Variants in CDKAL1 observed in about 807,000 individuals in gnomAD.
The protein encoded by CDKAL1 is CDKAL1 threonylcarbamoyladenosine tRNA methylthiotransferase, also known as threonylcarbamoyladenosine tRNA methylthiotransferase.
CDKAL1 carries 32 observed loss-of-function variants against 68.2 expected under a neutral mutation model. That is an observed-to-expected ratio of 0.47 (90% CI 0.35 to 0.63). The LOEUF is 0.63. Among genes scored for constraint, CDKAL1 ranks in the 30% least tolerant of loss-of-function variants. The probability of loss-of-function intolerance (pLI) is 0.00; values close to 1 mark genes in which losing one functional copy is unlikely to be tolerated. For missense variants in CDKAL1, 606 were observed against 696.7 expected, an observed-to-expected ratio of 0.87 and a Z score of 1.47; for synonymous variants, 234 against 244.3, an observed-to-expected ratio of 0.96 and a Z score of 0.39.
intron 4 of CDKAL1, among the ~76,000 whole-genome samples, chr6:20,589,372 C>T (rs1765500834): frequency 2.6e-5 from 4 of 152,298 alleles, no homozygotes; most frequent in East Asian, 1.9e-4. Context: ...ATGTTCTGCA[C>T]GTTCTGAGAA....
intron 8 of CDKAL1, among the ~76,000 whole-genome samples, chr6:20,837,335 A>G (rs935674917): frequency 6.6e-6 from 1 of 152,114 alleles, no homozygotes; most frequent in African/African-American, 2.4e-5. Flanking sequence ...TCATGTTAGA[A>G]CAATACCTTT....
At chr6:20,608,590 G>C (rs1056383124) in intron 4 of CDKAL1, among the ~76,000 whole-genome samples, 4 of 152,198 alleles carry the variant, frequency 2.6e-5, no homozygotes, top group Non-Finnish European at 2.9e-5. Flanking sequence ...GCTGATACCA[G>C]TAGAGAGGAA....
At chr6:20,687,892 A>G (rs999267501) in intron 5 of CDKAL1, among the ~76,000 whole-genome samples, 1 of 150,156 alleles carries the variant, frequency 6.7e-6, no homozygotes, top group Non-Finnish European at 1.5e-5. Context: ...TTTTTTTTTA[A>G]TTTCTTGCAA....
chr6:20,840,509 G>A (rs4345385), intron 8 of CDKAL1, among the ~76,000 whole-genome samples: 2 of 152,276 alleles, frequency 1.3e-5, no homozygotes, highest in East Asian at 1.9e-4. Context: ...AACTAACTCC[G>A]AAAGTTCACA....
At chr6:21,152,886 C>T (rs1026011547) in intron 13 of CDKAL1, among the ~76,000 whole-genome samples, 2 of 152,172 alleles carry the variant, frequency 1.3e-5, no homozygotes, top group Non-Finnish European at 2.9e-5. Flanking sequence ...TCAGTTTAGG[C>T]GGCCTTGCGC....
At chr6:21,027,094 C>A (rs527245794) in intron 11 of CDKAL1, among the ~76,000 whole-genome samples, 23 of 152,124 alleles carry the variant, frequency 1.5e-4, no homozygotes, top group Non-Finnish European at 5.9e-5. Flanking sequence ...CCAGCCATAA[C>A]CCTACCACCA....
At chr6:20,742,909 C>T (rs954434351) in intron 6 of CDKAL1, among the ~76,000 whole-genome samples, 1 of 151,576 alleles carries the variant, frequency 6.6e-6, no homozygotes, top group Admixed American at 6.6e-5. Flanking sequence ...AAATTATGTC[C>T]ACATAACTAA....
rs112294991 is a variant in CDKAL1, at chr6:20,946,443, T to A, written c.743-8976T>A. On this transcript the variant is annotated intron_variant, in intron 9 of 15. Transcript: ENST00000274695. The stretch of plus-strand genomic sequence containing the variant: ...ATCAAAAATAAGTGTCTTTTCCCAA[T>A]CACTTCATCATTCTGGACTCAAAAC... Among the ~76,000 whole-genome samples, 557 of 152,274 alleles carry A rather than the reference T, an allele frequency of 3.7e-3. 4 individuals carry two copies. The highest frequency in any genetic ancestry group is 0.013 in the African/African-American group (531 of 41,572).
intron 4 of CDKAL1, among the ~76,000 whole-genome samples, chr6:20,632,729 T>C (rs139273231): frequency 2.4e-4 from 37 of 152,358 alleles, no homozygotes; most frequent in Non-Finnish European, 4.4e-4. Flanking sequence ...CCAATAATAA[T>C]AGCATAGTCT....
intron 9 of CDKAL1, among the ~76,000 whole-genome samples, chr6:20,848,588 G>T (rs1373541176): frequency 6.6e-6 from 1 of 152,118 alleles, no homozygotes; most frequent in East Asian, 1.9e-4. Flanking sequence ...TATTTTTAGA[G>T]AACGTATTAG....
chr6:20,800,319 C>G (rs981016708), intron 8 of CDKAL1, among the ~76,000 whole-genome samples: 1 of 152,128 alleles, frequency 6.6e-6, no homozygotes, highest in African/African-American at 2.4e-5. Context: ...CTCAATTATG[C>G]AGAGTAAAAG....
At chr6:20,746,410 G>A (rs1474935514) in intron 6 of CDKAL1, among the ~76,000 whole-genome samples, 3 of 152,222 alleles carry the variant, frequency 2.0e-5, no homozygotes, top group African/African-American at 7.2e-5. Context: ...AACATCAAAT[G>A]CTGTTTTGTG....
intron 9 of CDKAL1, among the ~76,000 whole-genome samples, chr6:20,949,527 CT>C (rs977087904): frequency 6.6e-6 from 1 of 151,936 alleles, no homozygotes; most frequent in African/African-American, 2.4e-5. Flanking sequence ...CTGTGCATCT[CT>C]TTTTTTTACT....
At chr6:20,642,913 A>G (rs1240799905) in intron 4 of CDKAL1, among the ~76,000 whole-genome samples, 1 of 53,428 alleles carries the variant, frequency 1.9e-5, no homozygotes, top group Non-Finnish European at 4.7e-5. Context: ...AACAACAACA[A>G]CAACAACAAC....
chr6:21,183,273 T>C (rs1190677327), intron 13 of CDKAL1, among the ~76,000 whole-genome samples: 1 of 152,192 alleles, frequency 6.6e-6, no homozygotes, highest in African/African-American at 2.4e-5. Flanking sequence ...TGCAACCCTT[T>C]TGAGCCATGG....
chr6:21,016,592 T>A (rs1226774843), intron 11 of CDKAL1, among the ~76,000 whole-genome samples: 1 of 151,572 alleles, frequency 6.6e-6, no homozygotes, highest in Non-Finnish European at 1.5e-5. Flanking sequence ...GTCAATCAAT[T>A]CTGTCCCCAC....
intron 11 of CDKAL1, among the ~76,000 whole-genome samples, chr6:21,058,836 C>T (rs545978647): frequency 9.2e-5 from 14 of 151,898 alleles, no homozygotes; most frequent in African/African-American, 3.4e-4. Flanking sequence ...GGGGCATGCT[C>T]CTGTATAAGG....
At chr6:21,164,540 C>T (rs1383251084) in intron 13 of CDKAL1, among the ~76,000 whole-genome samples, 1 of 152,206 alleles carries the variant, frequency 6.6e-6, no homozygotes, top group African/African-American at 2.4e-5. Flanking sequence ...CCCAGCATTC[C>T]CTGTCCTGGA....
At chr6:20,929,052 G>A (rs1402867342) in intron 9 of CDKAL1, among the ~76,000 whole-genome samples, 6 of 152,016 alleles carry the variant, frequency 3.9e-5, no homozygotes, top group South Asian at 4.1e-4. Flanking sequence ...TACATTACCC[G>A]CCTCCCTGCA....
Sources: gnomAD v4.1 joint callset for allele counts (sites outside exome capture counted in the v4.1 genomes callset) on GRCh38, gnomAD v4.1.1 for gene constraint, MANE v1.5 for transcripts, NCBI Gene and HGNC (gene_info 2026-07-23, HGNC 2026-07-21) for gene names.